The following PLXNA3 variants were observed in gnomAD, a reference collection of about 807,000 sequenced individuals.
PLXNA3 encodes the protein plexin-A3.
A neutral mutation model predicts 118.8 loss-of-function variants in PLXNA3; 52 were observed. The observed-to-expected ratio is 0.44, with a 90% CI of 0.35 to 0.55. The LOEUF (loss-of-function observed/expected upper bound fraction) is 0.55. PLXNA3 is among the 20% of genes least tolerant of loss of function. The probability of loss-of-function intolerance (pLI) is 0.01; values close to 1 mark genes in which losing one functional copy is unlikely to be tolerated. For synonymous variants in PLXNA3, 925 were observed against 762.4 expected, an observed-to-expected ratio of 1.21 and a Z score of -3.51; for missense variants, 1,660 against 1,730.8, an observed-to-expected ratio of 0.96 and a Z score of 0.73.
Position 154,460,235 on chromosome X carries a change from C to G in PLXNA3, c.52C>G (p.Leu18Val), listed in dbSNP as rs1557203195. Residue 18 changes from leucine to valine, a missense_variant, in exon 2 of 33, where the codon CTG (leucine) becomes GTG (valine). Coordinates refer to ENST00000369682, the MANE Select transcript of PLXNA3 (RefSeq NM_017514.5). ...GCTCTTCCTTGCCGTGGGGGGGGCC[C>G]TGGGCAACAGGCCCTTCCGTGCCTT... ...LLLFLAVGGA[L>V]GNRPFRAFVV... 16 of 1,210,165 alleles carry G rather than the reference C, an allele frequency of 1.3e-5. No individual in the cohort carries two copies. The highest frequency in any genetic ancestry group is 1.8e-5 in the South Asian group (1 of 56,991).
In PLXNA3 at chrX:154,475,825, A is replaced by C. The variant is rs1557210785; in HGVS notation, c.*3140A>C. On this transcript the variant is annotated 3_prime_UTR_variant, in exon 33 of 33. Transcript: ENST00000369682. The stretch of plus-strand genomic sequence containing the variant: ...TTAACCTCAGGGGAAATCCCTCAGA[A>C]ATGGATGGAATCTACCAGAAGCATC... 2.7e-5 allele frequency: 3 copies of C among 112,162 alleles called. No individual in the cohort carries two copies. The highest frequency in any genetic ancestry group is 5.6e-5 in the Non-Finnish European group (3 of 53,213). The allele number at this position is 112,162 out of a possible 1,213,427, so 9.2% of individuals were successfully genotyped here.
In PLXNA3 at chrX:154,465,501, C is replaced by T; in HGVS notation, c.2322C>T (p.Asp774=). The change falls in exon 12 of 33, where the codon GAC becomes GAT. Residue 774 remains aspartate (D), a synonymous_variant. Transcript: ENST00000369682. The part of the protein sequence containing the change: ...SVVWDGDFPI[D]KPPSFRALLY... ...TCTGGGATGGAGACTTCCCCATAGA[C>T]AAGCCTCCCAGCTTCCGAGGTGAAG... 1 of 1,205,287 alleles carries T rather than the reference C, an allele frequency of 8.3e-7. No homozygotes were observed. Among genetic ancestry groups the T allele is most frequent in the Non-Finnish European group, 1.1e-6 (1 of 889,602 alleles).
chrX:154,468,299 A>G lies in PLXNA3; in HGVS notation c.3964-4A>G. The G allele has an allele frequency of 8.4e-7, 1 of 1,196,473 alleles. No individual in the cohort carries two copies. Among genetic ancestry groups the G allele is most frequent in the Non-Finnish European group, 1.1e-6 (1 of 887,429 alleles). On this transcript the variant is annotated splice_region_variant and splice_polypyrimidine_tract_variant and intron_variant, in intron 22 of 32. Coordinates refer to ENST00000369682, the MANE Select transcript of PLXNA3 (RefSeq NM_017514.5). The stretch of plus-strand genomic sequence containing the variant: ...CACCCTCTGAGACCTCCTGCTCCCC[A>G]CAGACGCCACCCAACGTGGAGAAGG...
intron 9 of PLXNA3, 91 bp from the exon 10 acceptor site, chrX:154,464,663 C>T: frequency 2.7e-6 from 2 of 736,443 alleles, no homozygotes; most frequent in Non-Finnish European, 4.0e-6. Flanking sequence ...ATATGGCTGC[C>T]TTCTTCCTTC....
Position 154,463,490 on chromosome X carries a change from C to A in PLXNA3, c.1417C>A (p.Arg473=). 1 of 1,191,567 alleles carries A rather than the reference C, an allele frequency of 8.4e-7. No individual in the cohort carries two copies. The highest frequency in any genetic ancestry group is 1.1e-6 in the Non-Finnish European group (1 of 885,556). The change falls in exon 5 of 33, where the codon CGG becomes AGG. Residue 473 remains arginine, a synonymous_variant. Coordinates refer to ENST00000369682, the MANE Select transcript of PLXNA3 (RefSeq NM_017514.5). ...LRDLLFSPDH[R]HIYLLSEKQV... Reference sequence around the variant, plus strand: ...AGACCTGCTCTTCAGCCCGGACCACCGGCACATCTATCTCCTGAGTGAGAA... The same window carrying A: ...AGACCTGCTCTTCAGCCCGGACCACAGGCACATCTATCTCCTGAGTGAGAA...
intron 9 of PLXNA3, 107 bp from the exon 10 acceptor site, chrX:154,464,647 C>A: frequency 1.4e-6 from 1 of 694,330 alleles, no homozygotes; most frequent in South Asian, 2.7e-5. Context: ...ATCTCTCTGT[C>A]CCCTGATATG....
intron 1 of PLXNA3, among the ~76,000 whole-genome samples, chrX:154,459,862 GCC>G (rs1557202965): frequency 1.8e-5 from 2 of 113,247 alleles, no homozygotes; most frequent in African/African-American, 6.4e-5. Context: ...GCTGTTGGTT[GCC>G]CCGGGCTCTG....
chrX:154,464,484 C>G lies in PLXNA3; in HGVS notation c.1911C>G (p.Asn637Lys). 3.3e-6 allele frequency: 4 copies of G among 1,206,056 alleles called. No individual in the cohort carries two copies. Among genetic ancestry groups the G allele is most frequent in the Non-Finnish European group, 4.5e-6 (4 of 890,310 alleles). ...RFAGADFVFYNCSVLQSCMSC... is the reference protein window; with the variant it reads ...RFAGADFVFYKCSVLQSCMSC... ...CCGGTGCTGACTTTGTCTTCTACAA[C>G]TGCAGCGTCCTCCAGTCGTGAGTAC... Residue 637 changes from asparagine to lysine, a missense_variant, in exon 9 of 33, where the codon AAC becomes AAG. By Grantham distance (94) the Asn-to-Lys change is moderately conservative. Around this residue, in one of 2 missense-constraint regions of PLXNA3, gnomAD observed 791 missense variants for 652.1 expected, o/e 1.21. Transcript: ENST00000369682.
chrX:154,464,346 G>C, intron 8 of PLXNA3, 33 bp downstream of exon 8: 1 of 1,202,539 alleles, frequency 8.3e-7, no homozygotes, highest in Non-Finnish European at 1.1e-6. Flanking sequence ...GGATGGGGCA[G>C]AGTGGGGCCT....
rs1557203471 is a variant in PLXNA3, at chrX:154,460,492, C to G, written c.309C>G (p.Asp103Glu). The change falls in exon 2 of 33, where the codon GAC becomes GAG. Residue 103 changes from aspartate to glutamate, a missense_variant. Coordinates refer to ENST00000369682, the MANE Select transcript of PLXNA3 (RefSeq NM_017514.5). ...VDNINKLLLI[D>E]YAARRLVACG... The stretch of plus-strand genomic sequence containing the variant: ...ACATCAACAAGCTGCTGCTCATAGA[C>G]TATGCGGCCCGCCGCCTGGTGGCCT... The G allele has an allele frequency of 1.4e-5, 17 of 1,209,642 alleles. No individual in the cohort carries two copies. Among genetic ancestry groups the G allele is most frequent in the Non-Finnish European group, 1.9e-5 (17 of 894,426 alleles).
rs1557208554 is a variant in PLXNA3 at position 154,469,230 on chromosome X, C to T, written c.4594+15C>T. 2 of 1,204,670 alleles carry T rather than the reference C, an allele frequency of 1.7e-6. No homozygotes were observed. Among genetic ancestry groups the T allele is most frequent in the South Asian group, 1.8e-5 (1 of 56,398 alleles). On this transcript the variant is annotated intron_variant, in intron 26 of 32. Coordinates refer to ENST00000369682, the MANE Select transcript of PLXNA3 (RefSeq NM_017514.5). ...CATGGACCTGGGTGAGGTCCCCACC[C>T]TCTCCTCCTGGCTCCCACTCATACC...
intron 11 of PLXNA3, 61 bp from the exon 12 acceptor site, chrX:154,465,363 A>G (rs1557206619): frequency 5.5e-6 from 6 of 1,081,939 alleles, no homozygotes; most frequent in Non-Finnish European, 6.4e-6. Context: ...GCAGCTGGCA[A>G]AAATCTTGGG....
chrX:154,462,365 A>G (rs1014618016), intron 4 of PLXNA3, 55 bp downstream of exon 4: 135 of 769,310 alleles, frequency 1.8e-4, no homozygotes, highest in Non-Finnish European at 1.3e-4. Context: ...GATATGGGAC[A>G]AGGCTGGTGG....
rs1389734392 is a variant in PLXNA3 at position 154,458,288 on chromosome X, G to GGGCGGCGGC, written c.-158_-150dup. ...CGGCCCCCGGGCCAGCCCAGTGTGTGGGCGGCGGCGGCGGCGGCTGCGCGC... is the reference window on the plus strand; with the variant it reads ...CGGCCCCCGGGCCAGCCCAGTGTGTGGGCGGCGGCGGCGGCGGCGGCGGCGGCTGCGCGC... On this transcript the variant is annotated 5_prime_UTR_variant, in exon 1 of 33. Transcript: ENST00000369682. 66 of 109,264 alleles carry GGGCGGCGGC rather than the reference G, an allele frequency of 6.0e-4. No individual in the cohort carries two copies. The highest frequency in any genetic ancestry group is 1.9e-3 in the African/African-American group (58 of 30,423). The allele number at this position is 109,264 out of a possible 1,213,427, so 9.0% of individuals were successfully genotyped here.
Position 154,471,501 on chromosome X carries a change from A to G in PLXNA3, c.5383A>G (p.Ile1795Val), listed in dbSNP as rs782578857. The change falls in exon 32 of 33, where the codon ATT becomes GTT. Residue 1795 changes from isoleucine (I) to valine (V), a missense_variant. Transcript: ENST00000369682. ...KSWVERYYRD[I>V]AKMASISDQD... Reference sequence around the variant, plus strand: ...GGGTCCCAACAGGTATTATCGAGACATTGCAAAGATGGCATCCATCAGCGA... The same window carrying G: ...GGGTCCCAACAGGTATTATCGAGACGTTGCAAAGATGGCATCCATCAGCGA... The G allele has an allele frequency of 3.3e-6, 4 of 1,203,544 alleles. No individual in the cohort carries two copies. The highest frequency in any genetic ancestry group is 1.1e-6 in the Non-Finnish European group (1 of 889,538).
At chrX:154,460,085 CG>C in intron 1 of PLXNA3, 71 bp from the exon 2 acceptor site, 1 of 568,500 alleles carries the variant, frequency 1.8e-6, no homozygotes, top group Non-Finnish European at 2.8e-6. Context: ...GGGGCTTTGG[CG>C]GGGTGGTGGG....
chrX:154,462,609 C>T (rs2068994805), intron 4 of PLXNA3, among the ~76,000 whole-genome samples: 1 of 112,244 alleles, frequency 8.9e-6, no homozygotes, highest in Admixed American at 9.4e-5. Context: ...AGGCCTGGGG[C>T]TGAGCCAGCA....
Position 154,469,359 on chromosome X carries a change from G to A in PLXNA3, c.4595-20G>A. ...TTGGGGGCTGCCAGCATAATCTTAA[G>A]GGCTGTCTGTGGCCCACAGAGTGGC... On this transcript the variant is annotated intron_variant, in intron 26 of 32. Coordinates refer to ENST00000369682, the MANE Select transcript of PLXNA3 (RefSeq NM_017514.5). The A allele has an allele frequency of 1.3e-5, 15 of 1,191,642 alleles. No individual in the cohort carries two copies. The highest frequency in any genetic ancestry group is 1.7e-5 in the Non-Finnish European group (15 of 878,552).
rs1484543066 is a variant in PLXNA3 at position 154,477,222 on chromosome X, T to TA, written c.*4539dup. On this transcript the variant is annotated 3_prime_UTR_variant, in exon 33 of 33. Coordinates refer to ENST00000369682, the MANE Select transcript of PLXNA3 (RefSeq NM_017514.5). The stretch of plus-strand genomic sequence containing the variant: ...CCATAGAGGGAAACAAGCCTACAGT[T>TA]AAGAGCTGCTCTGGTCCCACACAGC... The TA allele has an allele frequency of 8.9e-6, 1 of 112,280 alleles. No homozygotes were observed. Among genetic ancestry groups the TA allele is most frequent in the African/African-American group, 3.2e-5 (1 of 30,831 alleles). The allele number at this position is 112,280 out of a possible 1,213,427, so 9.3% of individuals were successfully genotyped here. A position where few individuals can be genotyped will look rare whatever the true frequency, so the allele number is the denominator to read the frequency against.
Sources: allele counts gnomAD v4.1 joint callset (sites outside exome capture counted in the v4.1 genomes callset), GRCh38; gene constraint gnomAD v4.1.1; regional missense constraint gnomAD v4.1.1; transcripts MANE v1.5; gene names NCBI Gene and HGNC (gene_info 2026-07-23, HGNC 2026-07-21).